EME2: variants seen among roughly 807,000 people sequenced by gnomAD.
EME2 encodes structure-specific endonuclease subunit EME2.
In EME2, 58 loss-of-function variants were observed where a neutral mutation model predicts 41.9. That is an observed-to-expected ratio of 1.38 (90% CI 1.12 to 1.72). The LOEUF (loss-of-function observed/expected upper bound fraction) is 1.72. Ranked by LOEUF, EME2 falls within the 40% of genes most tolerant of loss-of-function variation. The pLI is 0.00. For missense variants in EME2, 695 were observed against 541.9 expected, an observed-to-expected ratio of 1.28 and a Z score of -2.81; for synonymous variants, 334 against 239.3, an observed-to-expected ratio of 1.40 and a Z score of -3.65.
At chr16:1,774,012 A>G (rs1031369405) in intron 2 of EME2, among the ~76,000 whole-genome samples, 171 bp downstream of exon 2, 3 of 152,214 alleles carry the variant, frequency 2.0e-5, no homozygotes, top group African/African-American at 7.2e-5. Context: ...TTCTGCTGGT[A>G]TAGAGCCGAG....
chr16:1,781,455 G>C lies in EME2; in HGVS notation c.*5217G>C. ...GGCTGCACTCAGGACGAAGTGCCAG[G>C]CCCTGCTGTTCCGGGGGCGTCTGGC... On this transcript the variant is annotated 3_prime_UTR_variant, in exon 8 of 8. Transcript: ENST00000568449. 6.2e-7 allele frequency: 1 copy of C among 1,612,722 alleles called. No individual in the cohort carries two copies. The highest frequency in any genetic ancestry group is 8.5e-7 in the Non-Finnish European group (1 of 1,179,982).
chr16:1,774,368 C>T lies in EME2; in HGVS notation c.477+16C>T, dbSNP rs932465534. On this transcript the variant is annotated intron_variant, in intron 3 of 7. Transcript: ENST00000568449. Reference sequence around the variant, plus strand: ...ACTGACCCAGGTGCTCGGGTGGTGGCAGTAGTCCCTCTCTAATCAGGAGGG... The same window carrying T: ...ACTGACCCAGGTGCTCGGGTGGTGGTAGTAGTCCCTCTCTAATCAGGAGGG... The T allele has an allele frequency of 5.0e-6, 8 of 1,605,760 alleles. No homozygotes were observed. The highest frequency in any genetic ancestry group is 4.5e-5 in the East Asian group (2 of 44,854).
chr16:1,774,981 GC>G, intron 3 of EME2, 59 bp from the exon 4 acceptor site: 1 of 1,328,900 alleles, frequency 7.5e-7, no homozygotes. Flanking sequence ...TGGCCTGGTG[GC>G]CCATGGCCAT....
In EME2 at chr16:1,775,410, T is replaced by C. The variant is rs757690441; in HGVS notation, c.663+2T>C. 15 of 1,612,232 alleles carry C rather than the reference T, an allele frequency of 9.3e-6. No individual in the cohort carries two copies. Among genetic ancestry groups the C allele is most frequent in the African/African-American group, 4.0e-5 (3 of 74,882 alleles). On this transcript the variant is annotated splice_donor_variant, in intron 5 of 7. Coordinates refer to ENST00000568449, the MANE Select transcript of EME2 (RefSeq NM_001257370.2). LOFTEE classifies it high-confidence loss of function. ...GTCAGCTGGCCGGAGGTGGAAGAGG[T>C]GAGGGCCTGTCTGAGCTGGGTGAGT...
At chr16:1,774,419 G>C in intron 3 of EME2, 67 bp downstream of exon 3, 1 of 1,321,410 alleles carries the variant, frequency 7.6e-7, no homozygotes, top group Non-Finnish European at 1.1e-6. Flanking sequence ...GGAGGCGCCT[G>C]CTCCGCCGGT....
rs1261388776 is a variant in EME2 at position 1,773,804 on chromosome 16, G to A, written c.347G>A (p.Arg116Gln). Residue 116 changes from arginine to glutamine, a missense_variant, in exon 2 of 8, where the codon CGG becomes CAG. Arg to Gln is a conservative substitution (Grantham distance 43, BLOSUM62 1). Coordinates refer to ENST00000568449, the MANE Select transcript of EME2 (RefSeq NM_001257370.2). ...IEPQRPARSLRWTRASPDPCP... is the reference protein window; with the variant it reads ...IEPQRPARSLQWTRASPDPCP... Reference sequence around the variant, plus strand: ...CCCCAGCGCCCGGCCCGCAGCCTGCGGTGGACCCGAGCGAGTCCCGACCCC... The same window carrying A: ...CCCCAGCGCCCGGCCCGCAGCCTGCAGTGGACCCGAGCGAGTCCCGACCCC... 8 of 1,557,592 alleles carry A rather than the reference G, an allele frequency of 5.1e-6. No homozygotes were observed. In the East Asian group the frequency reaches 1.4e-4, roughly 28 times the overall value.
rs545994895 is a variant in EME2, at chr16:1,777,505, C to T, written c.*1267C>T. 2.2e-4 allele frequency: 313 copies of T among 1,430,594 alleles called. No individual in the cohort carries two copies. The African/African-American group carries it at 4.1e-3, about 19-fold the overall frequency. 88.6% of individuals were successfully genotyped at this position (1,430,594 alleles called of 1,614,324 possible). On this transcript the variant is annotated 3_prime_UTR_variant, in exon 8 of 8. Coordinates refer to ENST00000568449, the MANE Select transcript of EME2 (RefSeq NM_001257370.2). ...GAAGGGGCCAGCTACTGGGCGCAGC[C>T]CCTCAGACCTCACGCTACAGTCACC...
chr16:1,775,734 T>C, intron 6 of EME2, 50 bp downstream of exon 6: 1 of 1,612,500 alleles, frequency 6.2e-7, no homozygotes, highest in Non-Finnish European at 8.5e-7. Context: ...AAGGTAGTGG[T>C]GCCTCCCCGG....
chr16:1,775,046 T>C lies in EME2; in HGVS notation c.483T>C (p.Ser161=). Residue 161 remains serine, a synonymous_variant, in exon 4 of 8, where the codon TCT becomes TCC. Transcript: ENST00000568449. ...CCACACGTTCTCATCTTCAGATCTCTGGCCCAACCCACTGGGTGCCCTGGA... is the reference window on the plus strand; with the variant it reads ...CCACACGTTCTCATCTTCAGATCTCCGGCCCAACCCACTGGGTGCCCTGGA... ...LQGVATLTQI[S]GPTHWVPWIS... is the part of the protein sequence containing the mutation. 1.2e-6 allele frequency: 2 copies of C among 1,609,128 alleles called. No individual in the cohort carries two copies. Among genetic ancestry groups the C allele is most frequent in the Non-Finnish European group, 8.5e-7 (1 of 1,179,666 alleles).
Position 1,778,417 on chromosome 16 carries a change from G to T in EME2, c.*2179G>T. ...CGCCCGCAGTGCAGTCCCAGCAGGG[G>T]CTGGGCCCCACGCTCACACTCGTCT... On this transcript the variant is annotated 3_prime_UTR_variant, in exon 8 of 8. Transcript: ENST00000568449. The T allele has an allele frequency of 6.2e-7, 1 of 1,605,896 alleles. No individual in the cohort carries two copies. Among genetic ancestry groups the T allele is most frequent in the East Asian group, 2.2e-5 (1 of 44,686 alleles).
At position 1,772,966 on chromosome 16, in the gene EME2, C is replaced by G; in HGVS notation, c.-262C>G. 2 of 1,447,806 alleles carry G rather than the reference C, an allele frequency of 1.4e-6. No individual in the cohort carries two copies. The highest frequency in any genetic ancestry group is 1.4e-5 in the South Asian group (1 of 70,624). The allele number at this position is 1,447,806 out of a possible 1,614,324, so 89.7% of individuals were successfully genotyped here. A position where few individuals can be genotyped will look rare whatever the true frequency, so the allele number is the denominator to read the frequency against. ...CGGCGCACGTCGGCCCAGGCCCGGA[C>G]CGGCAGCCGGCGTCCAGAGAACGGC... On this transcript the variant is annotated 5_prime_UTR_variant, in exon 1 of 8. Coordinates refer to ENST00000568449, the MANE Select transcript of EME2 (RefSeq NM_001257370.2).
chr16:1,781,458 C>A lies in EME2; in HGVS notation c.*5220C>A, dbSNP rs368425768. On this transcript the variant is annotated 3_prime_UTR_variant, in exon 8 of 8. Transcript: ENST00000568449. Reference sequence around the variant, plus strand: ...TGCACTCAGGACGAAGTGCCAGGCCCTGCTGTTCCGGGGGCGTCTGGCCAT... The same window carrying A: ...TGCACTCAGGACGAAGTGCCAGGCCATGCTGTTCCGGGGGCGTCTGGCCAT... The A allele has an allele frequency of 8.1e-6, 13 of 1,612,656 alleles. No individual in the cohort carries two copies. The highest frequency in any genetic ancestry group is 1.3e-5 in the African/African-American group (1 of 74,928).
At position 1,773,788 on chromosome 16, in the gene EME2, C is replaced by T. The variant is rs1385076349; in HGVS notation, c.331C>T (p.Pro111Ser). The T allele has an allele frequency of 6.4e-7, 1 of 1,554,042 alleles. No homozygotes were observed. The highest frequency in any genetic ancestry group is 1.2e-5 in the South Asian group (1 of 84,496). Residue 111 changes from proline to serine, a missense_variant, in exon 2 of 8, where the codon CCG (proline) becomes TCG (serine). Transcript: ENST00000568449. ...CGAGTGCCGCATCGAGCCCCAGCGC[C>T]CGGCCCGCAGCCTGCGGTGGACCCG... is the stretch of plus-strand genomic sequence containing the variant. ...GCECRIEPQR[P>S]ARSLRWTRAS...
In EME2 at chr16:1,775,658, C is replaced by G; in HGVS notation, c.753C>G (p.Thr251=). ...QELSRHVCAV[T]KALAQYPLKQ... is the part of the protein sequence containing the mutation. ...TGAGTCGGCACGTGTGCGCCGTTAC[C>G]AAGGCTCTCGCCCAGTATCCCCTCA... Residue 251 remains threonine (T), a synonymous_variant, in exon 6 of 8, where the codon ACC becomes ACG. Coordinates refer to ENST00000568449, the MANE Select transcript of EME2 (RefSeq NM_001257370.2). The G allele has an allele frequency of 2.5e-6, 4 of 1,612,922 alleles. No individual in the cohort carries two copies. Among genetic ancestry groups the G allele is most frequent in the Non-Finnish European group, 3.4e-6 (4 of 1,180,030 alleles).
Position 1,775,803 on chromosome 16 carries a change from C to T in EME2, c.786C>T (p.Tyr262=). 6.2e-7 allele frequency: 1 copy of T among 1,612,472 alleles called. No homozygotes were observed. Among genetic ancestry groups the T allele is most frequent in the Non-Finnish European group, 8.5e-7 (1 of 1,179,732 alleles). ...GGCTTCTCTCTGTCCCCAGGCAGTA[C>T]CGGGAATCCCAGGCCTTCTCCTTCT... ...KALAQYPLKQ[Y]RESQAFSFCT... Residue 262 remains tyrosine, a synonymous_variant, in exon 7 of 8, where the codon TAC becomes TAT. Coordinates refer to ENST00000568449, the MANE Select transcript of EME2 (RefSeq NM_001257370.2).
rs1596855286 is a variant in EME2 at position 1,778,173 on chromosome 16, C to G, written c.*1935C>G. On this transcript the variant is annotated 3_prime_UTR_variant, in exon 8 of 8. Coordinates refer to ENST00000568449, the MANE Select transcript of EME2 (RefSeq NM_001257370.2). ...AGACGGGAGAGGTCATCTTGATCTCCCAGAAGTGCTGGCCCTCCCCCAGCT... is the reference window on the plus strand; with the variant it reads ...AGACGGGAGAGGTCATCTTGATCTCGCAGAAGTGCTGGCCCTCCCCCAGCT... 1 of 1,612,942 alleles carries G rather than the reference C, an allele frequency of 6.2e-7. No homozygotes were observed. Among genetic ancestry groups the G allele is most frequent in the Non-Finnish European group, 8.5e-7 (1 of 1,179,910 alleles).
chr16:1,774,933 T>C (rs2042686200), intron 3 of EME2, 108 bp from the exon 4 acceptor site: 1 of 854,272 alleles, frequency 1.2e-6, no homozygotes, highest in African/African-American at 1.7e-5. Flanking sequence ...TCGGCACCAC[T>C]GGCTCTTTTT....
intron 2 of EME2, 129 bp from the exon 3 acceptor site, chr16:1,774,131 G>A (rs2042674218): frequency 8.2e-6 from 7 of 856,660 alleles, no homozygotes; most frequent in Non-Finnish European, 7.5e-6. Flanking sequence ...CTGGGCTTCT[G>A]TAGAGCAGGC....
chr16:1,773,943 C>G, intron 2 of EME2, 102 bp downstream of exon 2: 1 of 1,381,346 alleles, frequency 7.2e-7, no homozygotes, highest in Non-Finnish European at 9.6e-7. Flanking sequence ...CTGGGCCGTG[C>G]GCGTCTCGCG....
Sources: gnomAD v4.1 joint callset for allele counts (sites outside exome capture counted in the v4.1 genomes callset) on GRCh38, gnomAD v4.1.1 for gene constraint, MANE v1.5 for transcripts, NCBI Gene and HGNC (gene_info 2026-07-23, HGNC 2026-07-21) for gene names.